The following LDHC variants were observed in gnomAD, a reference collection of about 807,000 sequenced individuals.
The protein encoded by LDHC is lactate dehydrogenase C.
In LDHC, 20 loss-of-function variants were observed where a neutral mutation model predicts 30.2. The ratio of observed to expected loss-of-function variants is 0.66; its 90% CI spans 0.47 to 0.96. The LOEUF is 0.96. Among genes scored for constraint, LDHC ranks in the 40% least tolerant of loss-of-function variants. The pLI, the probability that LDHC is intolerant of heterozygous loss-of-function variation, is 0.00. For synonymous variants in LDHC, 139 were observed against 132.7 expected, an observed-to-expected ratio of 1.05 and a Z score of -0.32; for missense variants, 362 against 394.9, an observed-to-expected ratio of 0.92 and a Z score of 0.71.
Position 18,429,835 on chromosome 11 carries a change from G to T in LDHC, c.343G>T (p.Ala115Ser). 1 of 1,611,984 alleles carries T rather than the reference G, an allele frequency of 6.2e-7. No individual in the cohort carries two copies. The highest frequency in any genetic ancestry group is 8.5e-7 in the Non-Finnish European group (1 of 1,178,084). The change falls in exon 4 of 8, where the codon GCT (alanine) becomes TCT (serine). Residue 115 changes from alanine (A) to serine (S), a missense_variant. Coordinates refer to ENST00000541669, the MANE Select transcript of LDHC (RefSeq NM_017448.5). ...CCTTGCCCTGGTCCAACGTAATGTG[G>T]CTATAATGAAATCAATCATTCCTGC... ...TRLALVQRNV[A>S]IMKSIIPAIV... is the part of the protein sequence containing the mutation.
chr11:18,440,993 T>C (rs1161243585), intron 6 of LDHC, among the ~76,000 whole-genome samples: 1 of 151,788 alleles, frequency 6.6e-6, no homozygotes, highest in Non-Finnish European at 1.5e-5. Flanking sequence ...AGTTGTAGTG[T>C]TGCATACCTG....
intron 3 of LDHC, among the ~76,000 whole-genome samples, chr11:18,424,280 T>A (rs1175226502): frequency 6.7e-6 from 1 of 150,020 alleles, no homozygotes; most frequent in Non-Finnish European, 1.5e-5. Flanking sequence ...TACTCAGGAG[T>A]CTGAGGCAGG....
rs1292620839 is a variant in LDHC, at chr11:18,415,257, A to G, written c.200A>G (p.His67Arg). 1 of 1,608,286 alleles carries G rather than the reference A, an allele frequency of 6.2e-7. No homozygotes were observed. Among genetic ancestry groups the G allele is most frequent in the Admixed American group, 1.7e-5 (1 of 59,932 alleles). ...AAGGGAGAAATGATGGATCTTCAGC[A>G]TGGCAGTCTTTTCTTTAGTACTTCA... Reference protein sequence around the residue: ...KLKGEMMDLQHGSLFFSTSKI... With the variant: ...KLKGEMMDLQRGSLFFSTSKI... The change falls in exon 3 of 8, where the codon CAT becomes CGT. Residue 67 changes from histidine to arginine, a missense_variant. By Grantham distance (29) the His-to-Arg change is conservative (BLOSUM62 0). Coordinates refer to ENST00000541669, the MANE Select transcript of LDHC (RefSeq NM_017448.5).
intron 7 of LDHC, 31 bp downstream of exon 7, chr11:18,446,364 T>G: frequency 1.3e-6 from 2 of 1,512,402 alleles, no homozygotes; most frequent in Non-Finnish European, 1.8e-6. Flanking sequence ...CATTTATCAT[T>G]CTTTCCTTTA....
intron 7 of LDHC, among the ~76,000 whole-genome samples, chr11:18,448,628 A>G (rs1848596872): frequency 6.6e-6 from 1 of 152,206 alleles, no homozygotes; most frequent in African/African-American, 2.4e-5. Context: ...CGTTACAAGC[A>G]GAGTCATTTG....
intron 7 of LDHC, among the ~76,000 whole-genome samples, chr11:18,447,181 T>G (rs1381174666): frequency 6.6e-6 from 1 of 151,540 alleles, no homozygotes; most frequent in Non-Finnish European, 1.5e-5. Context: ...TCACCCAGGC[T>G]GGAGTGCAGT....
intron 3 of LDHC, among the ~76,000 whole-genome samples, chr11:18,422,324 G>A (rs917490639): frequency 6.6e-6 from 1 of 152,058 alleles, no homozygotes; most frequent in East Asian, 1.9e-4. Context: ...GGGAGGCTGA[G>A]GTGGTGGATC....
At chr11:18,434,703 G>T (rs764054622) in intron 4 of LDHC, 37 bp from the exon 5 acceptor site, 9 of 1,374,416 alleles carry the variant, frequency 6.5e-6, no homozygotes, top group Non-Finnish European at 9.2e-6. Context: ...TTTAAGTTAT[G>T]ATGAATCTTT....
rs375354502 is a variant in LDHC at position 18,430,132 on chromosome 11, T to C, written c.418+222T>C. 1.4e-3 allele frequency among the ~76,000 whole-genome samples: 208 copies of C among 152,318 alleles called. 1 individual carries two copies. Among genetic ancestry groups the C allele is most frequent in the African/African-American group, 4.8e-3 (200 of 41,572 alleles). ...CTCTGAAAGTTTTCTTGTGCCTCCTTGCAGTTCATCTCTCATTCCACCCCT... is the reference window on the plus strand; with the variant it reads ...CTCTGAAAGTTTTCTTGTGCCTCCTCGCAGTTCATCTCTCATTCCACCCCT... On this transcript the variant is annotated intron_variant, in intron 4 of 7. Coordinates refer to ENST00000541669, the MANE Select transcript of LDHC (RefSeq NM_017448.5).
At chr11:18,412,610 C>T in intron 1 of LDHC, 99 bp from the exon 2 acceptor site, 1 of 1,101,938 alleles carries the variant, frequency 9.1e-7, no homozygotes, top group Admixed American at 2.2e-5. Flanking sequence ...CTTTCTTTGG[C>T]TTCCCCCCAT....
At chr11:18,437,380 C>T (rs1327318678) in intron 5 of LDHC, among the ~76,000 whole-genome samples, 14 of 152,254 alleles carry the variant, frequency 9.2e-5, no homozygotes, top group Admixed American at 2.0e-4. Context: ...TTACATTTCC[C>T]TCTTTTATAC....
At chr11:18,438,984 A>G (rs959355336) in intron 6 of LDHC, among the ~76,000 whole-genome samples, 1 of 152,206 alleles carries the variant, frequency 6.6e-6, no homozygotes, top group Admixed American at 6.5e-5. Context: ...GAAGTTGTTT[A>G]CTTATCTTCG....
At chr11:18,412,611 T>A in intron 1 of LDHC, 98 bp from the exon 2 acceptor site, 2 of 1,127,068 alleles carry the variant, frequency 1.8e-6, no homozygotes, top group Non-Finnish European at 2.6e-6. Flanking sequence ...TTTCTTTGGC[T>A]TCCCCCCATC....
intron 6 of LDHC, among the ~76,000 whole-genome samples, chr11:18,439,555 C>A: frequency 9.6e-6 from 1 of 104,162 alleles, no homozygotes; most frequent in African/African-American, 4.3e-5. Context: ...AAGAGTGAAA[C>A]TCCATCTCAA....
intron 4 of LDHC, among the ~76,000 whole-genome samples, chr11:18,432,145 C>T (rs771309130): frequency 1.3e-5 from 2 of 151,964 alleles, no homozygotes; most frequent in Admixed American, 6.6e-5. Flanking sequence ...TGTATCCCAG[C>T]GGTTTTGATA....
At chr11:18,438,673 G>C in intron 6 of LDHC, 28 bp downstream of exon 6, 1 of 1,131,010 alleles carries the variant, frequency 8.8e-7, no homozygotes, top group South Asian at 1.2e-5. Context: ...GTTTCTTAAT[G>C]CCTTAATAGT....
chr11:18,417,723 A>C (rs1867049440), intron 3 of LDHC, among the ~76,000 whole-genome samples: 1 of 152,196 alleles, frequency 6.6e-6, no homozygotes, highest in Non-Finnish European at 1.5e-5. Flanking sequence ...TTTGCTTTTA[A>C]TGTCTTCCCA....
intron 3 of LDHC, among the ~76,000 whole-genome samples, chr11:18,424,733 C>T (rs1848130536): frequency 6.6e-6 from 1 of 152,240 alleles, no homozygotes; most frequent in Admixed American, 6.5e-5. Flanking sequence ...TAATGCTGGG[C>T]ATGGTGGCTG....
At chr11:18,441,679 G>A (rs545982473) in intron 6 of LDHC, among the ~76,000 whole-genome samples, 9 of 150,842 alleles carry the variant, frequency 6.0e-5, no homozygotes, top group East Asian at 2.0e-4. Context: ...AGGCTGAGGC[G>A]GTTAGATCAC....
Sources: gnomAD v4.1 joint callset for allele counts (sites outside exome capture counted in the v4.1 genomes callset) on GRCh38, gnomAD v4.1.1 for gene constraint, MANE v1.5 for transcripts, NCBI Gene and HGNC (gene_info 2026-07-23, HGNC 2026-07-21) for gene names.